Variants in RIN2 observed in about 807,000 individuals in gnomAD.
The protein encoded by RIN2 is RAB5 interacting protein 2.
RIN2 carries 36 observed loss-of-function variants against 78.0 expected under a neutral mutation model. The observed-to-expected ratio is 0.46, with a 90% CI of 0.35 to 0.61. The LOEUF (loss-of-function observed/expected upper bound fraction) is 0.61, where lower values mean the gene tolerates loss of function less well. Ranked by LOEUF, RIN2 falls within the 20% of genes least tolerant of loss-of-function variation. The probability of loss-of-function intolerance (pLI) is 0.00; values close to 1 mark genes in which losing one functional copy is unlikely to be tolerated. For synonymous variants in RIN2, 466 were observed against 466.8 expected, an observed-to-expected ratio of 1.00 and a Z score of 0.02; for missense variants, 1,087 against 1,159.7, an observed-to-expected ratio of 0.94 and a Z score of 0.91.
intron 9 of RIN2, among the ~76,000 whole-genome samples, chr20:19,983,953 A>G (rs538681666): frequency 2.7e-4 from 41 of 152,116 alleles, no homozygotes; most frequent in African/African-American, 8.4e-4. Context: ...ATATGTATAC[A>G]TGTGCCGTGT....
At chr20:19,970,331 G>C (rs918323564) in intron 7 of RIN2, among the ~76,000 whole-genome samples, 8 of 152,192 alleles carry the variant, frequency 5.3e-5, no homozygotes, top group Non-Finnish European at 8.8e-5. Context: ...AGCACACCAA[G>C]GCCAATGTGT....
At chr20:19,893,703 T>A (rs2038586501) in intron 3 of RIN2, among the ~76,000 whole-genome samples, 2 of 152,124 alleles carry the variant, frequency 1.3e-5, no homozygotes, top group Non-Finnish European at 2.9e-5. Flanking sequence ...GATAAACCCA[T>A]TTTCCAGGCA....
chr20:19,916,715 G>A (rs2039700100), intron 3 of RIN2, among the ~76,000 whole-genome samples: 2 of 152,364 alleles, frequency 1.3e-5, no homozygotes, highest in South Asian at 4.1e-4. Flanking sequence ...ACTCCCTGGA[G>A]ACCAACCCTG....
intron 2 of RIN2, among the ~76,000 whole-genome samples, chr20:19,875,240 C>G (rs1203329460): frequency 6.6e-6 from 1 of 152,186 alleles, no homozygotes; most frequent in Middle Eastern, 3.4e-3. Flanking sequence ...CTCACTGCAA[C>G]CTCCACCTCC....
intron 9 of RIN2, among the ~76,000 whole-genome samples, chr20:19,984,127 C>T (rs1398950800): frequency 6.6e-6 from 1 of 151,334 alleles, no homozygotes; most frequent in Non-Finnish European, 1.5e-5. Context: ...TGTTCTCACT[C>T]ATAGGTGGGA....
At chr20:19,945,924 T>C (rs1453105270) in intron 4 of RIN2, among the ~76,000 whole-genome samples, 1 of 152,220 alleles carries the variant, frequency 6.6e-6, no homozygotes, top group Non-Finnish European at 1.5e-5. Flanking sequence ...GCCCATTTCC[T>C]GATAAGCACA....
At chr20:19,894,670 GCT>G (rs948403980) in intron 3 of RIN2, among the ~76,000 whole-genome samples, 1 of 152,050 alleles carries the variant, frequency 6.6e-6, no homozygotes, top group African/African-American at 2.4e-5. Context: ...GGCTATTAGT[GCT>G]CATGTGACTT....
At chr20:19,984,173 G>T (rs535864102) in intron 9 of RIN2, among the ~76,000 whole-genome samples, 5 of 151,980 alleles carry the variant, frequency 3.3e-5, no homozygotes, top group Non-Finnish European at 7.4e-5. Flanking sequence ...CAGGGTGGGG[G>T]ACATCACACA....
intron 1 of RIN2, among the ~76,000 whole-genome samples, chr20:19,764,916 G>GTGTTTTTTTTTTTT (rs1568731017): frequency 1.7e-4 from 6 of 35,362 alleles, no homozygotes; most frequent in African/African-American, 3.4e-4. Context: ...TTCACTTTCT[G>GTGTTTTTTTTTTTT]CGTTTTTTTT....
At chr20:19,829,352 A>G (rs759103202) in intron 2 of RIN2, among the ~76,000 whole-genome samples, 8 of 152,164 alleles carry the variant, frequency 5.3e-5, no homozygotes, top group Non-Finnish European at 1.0e-4. Flanking sequence ...ATGAAGCCAA[A>G]AAAAGAAAAA....
chr20:19,805,715 CT>C (rs973080307), intron 2 of RIN2, among the ~76,000 whole-genome samples: 94 of 145,576 alleles, frequency 6.5e-4, no homozygotes, highest in Non-Finnish European at 6.4e-4. Flanking sequence ...GTTACAAGGA[CT>C]TTTTTTTTTT....
At chr20:19,898,376 A>G (rs2038832629) in intron 3 of RIN2, among the ~76,000 whole-genome samples, 1 of 152,236 alleles carries the variant, frequency 6.6e-6, no homozygotes, top group Non-Finnish European at 1.5e-5. Flanking sequence ...GGATACCAAG[A>G]AGGAAGATGT....
At chr20:19,908,854 C>T (rs1304221805) in intron 3 of RIN2, among the ~76,000 whole-genome samples, 2 of 152,162 alleles carry the variant, frequency 1.3e-5, no homozygotes, top group Non-Finnish European at 2.9e-5. Flanking sequence ...AACACCACGC[C>T]TGTTGTTCAG....
intron 2 of RIN2, among the ~76,000 whole-genome samples, chr20:19,850,902 A>G (rs927776098): frequency 6.6e-6 from 1 of 152,098 alleles, no homozygotes; most frequent in Non-Finnish European, 1.5e-5. Context: ...TGAACCTGGG[A>G]TGCAGAAATT....
chr20:19,906,838 T>G (rs1373328355), intron 3 of RIN2, among the ~76,000 whole-genome samples: 1 of 152,066 alleles, frequency 6.6e-6, no homozygotes, highest in Admixed American at 6.6e-5. Flanking sequence ...CATGGATGAG[T>G]GTCCTATAGG....
intron 3 of RIN2, among the ~76,000 whole-genome samples, chr20:19,926,636 G>T (rs533014784): frequency 6.6e-6 from 1 of 152,072 alleles, no homozygotes. Context: ...ATCTGATACC[G>T]CAGAGCTGAT....
intron 2 of RIN2, among the ~76,000 whole-genome samples, chr20:19,843,365 C>G (rs973166637): frequency 1.3e-5 from 2 of 152,128 alleles, no homozygotes; most frequent in Admixed American, 1.3e-4. Context: ...ATCAATGTGA[C>G]AAACATCATT....
At chr20:19,959,285 C>T (rs2041660489) in intron 5 of RIN2, among the ~76,000 whole-genome samples, 1 of 151,424 alleles carries the variant, frequency 6.6e-6, no homozygotes, top group Admixed American at 6.6e-5. Context: ...CTAGAGGTTG[C>T]ACTCCCCAAC....
intron 1 of RIN2, among the ~76,000 whole-genome samples, chr20:19,758,669 C>G (rs1246797446): frequency 1.3e-5 from 2 of 152,066 alleles, no homozygotes; most frequent in Non-Finnish European, 2.9e-5. Context: ...CACTATGGCT[C>G]GAGGTGCGGA....
Sources: gnomAD v4.1 joint callset for allele counts (sites outside exome capture counted in the v4.1 genomes callset) on GRCh38, gnomAD v4.1.1 for gene constraint, MANE v1.5 for transcripts, NCBI Gene and HGNC (gene_info 2026-07-23, HGNC 2026-07-21) for gene names.